The following LPCAT2 variants were observed in gnomAD, a reference collection of about 807,000 sequenced individuals.
LPCAT2 encodes 1-AGP acyltransferase 11.
Under a neutral mutation model 64.7 loss-of-function variants are expected in LPCAT2, and 58 were observed. That is an observed-to-expected ratio of 0.90 (90% confidence interval 0.73 to 1.12). The LOEUF (loss-of-function observed/expected upper bound fraction) is 1.12. Among genes scored for constraint, LPCAT2 ranks in the 50% most tolerant of loss-of-function variants. The probability of loss-of-function intolerance (pLI) is 0.00; values close to 1 mark genes in which losing one functional copy is unlikely to be tolerated. For missense variants in LPCAT2, 579 were observed against 669.8 expected (o/e 0.86, Z 1.50); for synonymous variants, 252 against 245.3 (o/e 1.03, Z -0.26).
At chr16:55,536,834 A>G (rs1963330251) in intron 7 of LPCAT2, among the ~76,000 whole-genome samples, 1 of 152,198 alleles carries the variant, frequency 6.6e-6, no homozygotes, top group Non-Finnish European at 1.5e-5. Context: ...CAACTATTTC[A>G]AACATTATCT....
intron 1 of LPCAT2, among the ~76,000 whole-genome samples, chr16:55,518,281 A>G (rs779798957): frequency 1.3e-5 from 2 of 152,206 alleles, no homozygotes; most frequent in Non-Finnish European, 2.9e-5. Context: ...GACGACTTAA[A>G]TAAATGGGAA....
chr16:55,555,180 G>A (rs148203018), intron 11 of LPCAT2, among the ~76,000 whole-genome samples: 9 of 152,256 alleles, frequency 5.9e-5, no homozygotes, highest in African/African-American at 9.6e-5. Context: ...TCTTCAAATT[G>A]TTACAAAAAA....
In LPCAT2 at chr16:55,530,608, T is replaced by C. The variant is rs547582704; in HGVS notation, c.642+661T>C. On this transcript the variant is annotated intron_variant, in intron 4 of 13. Transcript: ENST00000262134. ...TAGCAGACTAATAGTCCTACAGTTA[T>C]CTAGCCACACATGATGACATGAAGA... is the stretch of plus-strand genomic sequence containing the variant. Among the ~76,000 whole-genome samples, 7 of 152,232 alleles carry C rather than the reference T, an allele frequency of 4.6e-5. No individual in the cohort carries two copies. The South Asian group carries it at 1.5e-3, about 32-fold the overall frequency.
Position 55,524,901 on chromosome 16 carries a change from C to T in LPCAT2, c.172-607C>T, listed in dbSNP as rs116328688. Among the ~76,000 whole-genome samples the T allele has an allele frequency of 1.6e-3, 240 of 152,130 alleles. 1 individual carries two copies. Among genetic ancestry groups the T allele is most frequent in the African/African-American group, 5.4e-3 (224 of 41,544 alleles). Reference sequence around the variant, plus strand: ...TGTAAGAACTAAATAAGTTACTACACGCCAAGTGCTTAGAATGGCTGGTGT... The same window carrying T: ...TGTAAGAACTAAATAAGTTACTACATGCCAAGTGCTTAGAATGGCTGGTGT... On this transcript the variant is annotated intron_variant, in intron 1 of 13. Transcript: ENST00000262134.
chr16:55,557,496 A>G (rs1278542240), intron 11 of LPCAT2, among the ~76,000 whole-genome samples: 1 of 152,206 alleles, frequency 6.6e-6, no homozygotes, highest in African/African-American at 2.4e-5. Context: ...CAGCAGCTCC[A>G]TAGTTTGTTT....
intron 12 of LPCAT2, among the ~76,000 whole-genome samples, chr16:55,575,802 T>G (rs1216671142): frequency 6.6e-6 from 1 of 152,260 alleles, no homozygotes; most frequent in Non-Finnish European, 1.5e-5. Context: ...CAGATTGGTT[T>G]AAACTGAGTT....
chr16:55,513,898 G>T (rs369881124), intron 1 of LPCAT2, among the ~76,000 whole-genome samples: 3 of 152,100 alleles, frequency 2.0e-5, no homozygotes, highest in Admixed American at 6.6e-5. Context: ...TCTCAAGGGC[G>T]TTTGTCAAAA....
At chr16:55,576,694 T>A (rs1365440278) in intron 12 of LPCAT2, among the ~76,000 whole-genome samples, 1 of 152,130 alleles carries the variant, frequency 6.6e-6, no homozygotes, top group East Asian at 1.9e-4. Context: ...GATTCCACAT[T>A]ATTCTGTGCA....
chr16:55,575,576 C>G (rs1963818467), intron 12 of LPCAT2, among the ~76,000 whole-genome samples: 1 of 152,128 alleles, frequency 6.6e-6, no homozygotes, highest in Non-Finnish European at 1.5e-5. Flanking sequence ...AGCTGCAGAC[C>G]TTCTCTGTTT....
chr16:55,565,240 C>T (rs1262299490), intron 11 of LPCAT2, among the ~76,000 whole-genome samples: 1 of 152,042 alleles, frequency 6.6e-6, no homozygotes, highest in East Asian at 1.9e-4. Flanking sequence ...GTAATTGGAA[C>T]TCTTGTGTAT....
chr16:55,534,838 T>G (rs1963303862), intron 7 of LPCAT2, among the ~76,000 whole-genome samples: 2 of 152,214 alleles, frequency 1.3e-5, no homozygotes, highest in Admixed American at 1.3e-4. Flanking sequence ...CTATCCTTAC[T>G]TACTATGTTG....
At chr16:55,567,191 G>A (rs1305339714) in intron 11 of LPCAT2, 1 of 1,613,796 alleles carries the variant, frequency 6.2e-7, no homozygotes, top group Non-Finnish European at 8.5e-7. Flanking sequence ...AAGAATTTAA[G>A]TATCTGTGGA....
Position 55,537,624 on chromosome 16 carries a change from G to A in LPCAT2, c.844G>A (p.Glu282Lys). ...TTTCTGCCAGCTCTTCACAAAGGTA[G>A]AAGTTGAGGTAAGTCATTCAAAATG... The part of the protein sequence containing the change: ...LTFCQLFTKV[E>K]VEFMPVQVPN... The change falls in exon 8 of 14, where the codon GAA (glutamate) becomes AAA (lysine). Residue 282 changes from glutamate (E) to lysine (K), a missense_variant. Physicochemically the swap from Glu to Lys is moderately conservative, Grantham distance 56. Transcript: ENST00000262134. 1 of 1,613,094 alleles carries A rather than the reference G, an allele frequency of 6.2e-7. No homozygotes were observed. The highest frequency in any genetic ancestry group is 1.7e-4 in the Middle Eastern group (1 of 6,052).
rs1963920903 is a variant in LPCAT2 at position 55,584,284 on chromosome 16, T to C, written c.*1186T>C. On this transcript the variant is annotated 3_prime_UTR_variant, in exon 14 of 14. Transcript: ENST00000262134. ...GGGAATTTTATTTTGTTAAGTGGACTCTCAAATTTTAGAACTTGTGTGAAA... is the reference window on the plus strand; with the variant it reads ...GGGAATTTTATTTTGTTAAGTGGACCCTCAAATTTTAGAACTTGTGTGAAA... The C allele has an allele frequency of 6.6e-6, 1 of 152,164 alleles. No individual in the cohort carries two copies. Among genetic ancestry groups the C allele is most frequent in the Admixed American group, 6.6e-5 (1 of 15,264 alleles). The allele number at this position is 152,164 out of a possible 1,614,324, so 9.4% of individuals were successfully genotyped here.
intron 1 of LPCAT2, among the ~76,000 whole-genome samples, chr16:55,516,934 G>A (rs1437384226): frequency 6.6e-6 from 1 of 152,134 alleles, no homozygotes; most frequent in African/African-American, 2.4e-5. Flanking sequence ...TACAAAGTAT[G>A]TTCTCTGACC....
chr16:55,566,111 T>A (rs1963692619), intron 11 of LPCAT2, among the ~76,000 whole-genome samples: 1 of 152,174 alleles, frequency 6.6e-6, no homozygotes, highest in Non-Finnish European at 1.5e-5. Context: ...ATTTTTTACA[T>A]GAATGTTACA....
intron 11 of LPCAT2, among the ~76,000 whole-genome samples, chr16:55,552,966 T>G (rs1294492174): frequency 1.3e-5 from 2 of 152,226 alleles, no homozygotes; most frequent in African/African-American, 2.4e-5. Context: ...CTGGGTTCAG[T>G]GGCTCATGCC....
chr16:55,550,008 G>A (rs1383134442), intron 10 of LPCAT2, among the ~76,000 whole-genome samples: 1 of 152,012 alleles, frequency 6.6e-6, no homozygotes, highest in Non-Finnish European at 1.5e-5. Flanking sequence ...AGCCCTAACT[G>A]GAATTTGCAG....
At chr16:55,526,483 C>G (rs562090707) in intron 2 of LPCAT2, among the ~76,000 whole-genome samples, 1 of 152,176 alleles carries the variant, frequency 6.6e-6, no homozygotes, top group East Asian at 1.9e-4. Flanking sequence ...GTGCATCCTC[C>G]AAAAATTTTG....
Sources: allele counts gnomAD v4.1 joint callset (sites outside exome capture counted in the v4.1 genomes callset), GRCh38; gene constraint gnomAD v4.1.1; transcripts MANE v1.5; gene names NCBI Gene and HGNC (gene_info 2026-07-23, HGNC 2026-07-21).